The following CACNB2 variants were observed in gnomAD, a reference collection of about 807,000 sequenced individuals.
CACNB2 encodes the protein voltage-dependent L-type calcium channel subunit beta-2.
CACNB2 carries 42 observed loss-of-function variants against 73.3 expected under a neutral mutation model. The observed-to-expected ratio is 0.57, with a 90% CI of 0.45 to 0.74. The LOEUF (loss-of-function observed/expected upper bound fraction) is 0.74. Among genes scored for constraint, CACNB2 ranks in the 30% least tolerant of loss-of-function variants. CACNB2 has a pLI of 0.00. For synonymous variants in CACNB2, 348 were observed against 310.3 expected, an observed-to-expected ratio of 1.12 and a Z score of -1.28; for missense variants, 940 against 853.0, an observed-to-expected ratio of 1.10 and a Z score of -1.27.
intron 5 of CACNB2, among the ~76,000 whole-genome samples, chr10:18,501,238 T>C (rs2050176895): frequency 6.6e-6 from 1 of 152,222 alleles, no homozygotes; most frequent in African/African-American, 2.4e-5. Context: ...GAAACCTTAA[T>C]CATTTACTGA....
At chr10:18,298,585 T>C (rs1329394510) in intron 2 of CACNB2, among the ~76,000 whole-genome samples, 3 of 152,296 alleles carry the variant, frequency 2.0e-5, no homozygotes, top group Non-Finnish European at 4.4e-5. Context: ...TACCAACTCA[T>C]AGCCAGTTCC....
chr10:18,231,242 T>G (rs2036214088), intron 2 of CACNB2, among the ~76,000 whole-genome samples: 1 of 152,206 alleles, frequency 6.6e-6, no homozygotes, highest in Admixed American at 6.5e-5. Flanking sequence ...AGTGGCCCGA[T>G]CTCGGCTCAC....
intron 2 of CACNB2, among the ~76,000 whole-genome samples, chr10:18,337,422 T>A (rs569564230): frequency 6.6e-6 from 1 of 152,338 alleles, no homozygotes; most frequent in African/African-American, 2.4e-5. Flanking sequence ...TTTTATTTAC[T>A]CTTACCCATT....
At chr10:18,395,115 G>A (rs1408659074) in intron 2 of CACNB2, among the ~76,000 whole-genome samples, 1 of 151,120 alleles carries the variant, frequency 6.6e-6, no homozygotes, top group Non-Finnish European at 1.5e-5. Flanking sequence ...AAAAGAGAAG[G>A]GAGAGAGAGA....
chr10:18,500,783 A>C, intron 4 of CACNB2, 29 bp from the exon 5 acceptor site: 1 of 1,611,298 alleles, frequency 6.2e-7, no homozygotes, highest in Non-Finnish European at 8.5e-7. Flanking sequence ...CTGTGCACTG[A>C]TTTTTAATGC....
At chr10:18,431,773 T>A (rs1589334112) in intron 3 of CACNB2, among the ~76,000 whole-genome samples, 1 of 3,180 alleles carries the variant, frequency 3.1e-4, no homozygotes, top group Non-Finnish European at 5.6e-4. Context: ...TTTCTTTTTC[T>A]TTTTTTTTTG....
At position 18,434,800 on chromosome 10, in the gene CACNB2, C is replaced by G. The variant is rs1008317981; in HGVS notation, c.333+32757C>G. Among the ~76,000 whole-genome samples, 9 of 152,156 alleles carry G rather than the reference C, an allele frequency of 5.9e-5. No individual in the cohort carries two copies. The East Asian group carries it at 1.7e-3, about 29-fold the overall frequency. On this transcript the variant is annotated intron_variant, in intron 3 of 13. Transcript: ENST00000324631. ...AATTAAAACAGAAAAAAATAAATTACAAGAATAAGGAAGCAGGCACTCCCC... is the reference window on the plus strand; with the variant it reads ...AATTAAAACAGAAAAAAATAAATTAGAAGAATAAGGAAGCAGGCACTCCCC...
intron 2 of CACNB2, among the ~76,000 whole-genome samples, chr10:18,375,275 A>G (rs750445054): frequency 1.3e-5 from 2 of 152,264 alleles, no homozygotes; most frequent in East Asian, 1.9e-4. Context: ...ATTTTGTCCT[A>G]TGACTTCTCC....
chr10:18,263,532 C>G (rs1049783954), intron 2 of CACNB2, among the ~76,000 whole-genome samples: 1 of 152,116 alleles, frequency 6.6e-6, no homozygotes, highest in African/African-American at 2.4e-5. Flanking sequence ...TAATATAAAT[C>G]AATTGATAAA....
intron 2 of CACNB2, among the ~76,000 whole-genome samples, chr10:18,322,378 A>C (rs1177995699): frequency 6.6e-6 from 1 of 152,208 alleles, no homozygotes. Flanking sequence ...GTGAGCAGAT[A>C]TTTTGTGGTT....
chr10:18,458,525 G>A (rs1422521375), intron 3 of CACNB2, among the ~76,000 whole-genome samples: 1 of 152,072 alleles, frequency 6.6e-6, no homozygotes, highest in African/African-American at 2.4e-5. Context: ...AATTACAACA[G>A]TATCATTTAG....
rs1456260978 is a variant in CACNB2, at chr10:18,140,660, CGCGGGGAGGCGGGG to C, written c.-73_-60del. 2.4e-5 allele frequency: 31 copies of C among 1,312,036 alleles called. No homozygotes were observed. The highest frequency in any genetic ancestry group is 3.2e-5 in the Non-Finnish European group (30 of 931,204). 81.3% of individuals were successfully genotyped at this position (1,312,036 alleles called of 1,614,324 possible). A position where few individuals can be genotyped will look rare whatever the true frequency, so the allele number is the denominator to read the frequency against. On this transcript the variant is annotated 5_prime_UTR_variant, in exon 1 of 14. Transcript: ENST00000324631. ...GGGCGGCCCCCAGAGCCGATCAGAG[CGCGGGGAGGCGGGG>C]GCGAGGAGGAGGGGACCCGCCGCCG...
intron 2 of CACNB2, among the ~76,000 whole-genome samples, chr10:18,400,106 C>T (rs978416738): frequency 1.3e-5 from 2 of 152,206 alleles, no homozygotes; most frequent in East Asian, 1.9e-4. Flanking sequence ...TTAAACTCAA[C>T]GCTTTATAAA....
At chr10:18,412,667 T>G (rs938577070) in intron 3 of CACNB2, among the ~76,000 whole-genome samples, 9 of 152,236 alleles carry the variant, frequency 5.9e-5, no homozygotes, top group Non-Finnish European at 1.0e-4. Context: ...ACACACAAAG[T>G]CTACTTCTAC....
intron 7 of CACNB2, among the ~76,000 whole-genome samples, chr10:18,517,978 A>T (rs565935580): frequency 6.6e-6 from 1 of 152,368 alleles, no homozygotes; most frequent in African/African-American, 2.4e-5. Context: ...AATGCAGCCG[A>T]AAAGCAATAT....
intron 3 of CACNB2, among the ~76,000 whole-genome samples, chr10:18,413,565 T>C (rs1267311162): frequency 1.3e-5 from 2 of 152,152 alleles, no homozygotes; most frequent in Non-Finnish European, 2.9e-5. Flanking sequence ...TCTCATTACC[T>C]CCATCCTTCC....
At chr10:18,274,538 G>C (rs909384551) in intron 2 of CACNB2, among the ~76,000 whole-genome samples, 5 of 152,090 alleles carry the variant, frequency 3.3e-5, no homozygotes, top group African/African-American at 1.2e-4. Flanking sequence ...GTGAAGAGAG[G>C]GTCAGAACTT....
At chr10:18,534,710 T>C (rs10741101) in intron 11 of CACNB2, among the ~76,000 whole-genome samples, 76,080 of 152,076 alleles carry the variant, frequency 0.5, 19,397 homozygotes, top group East Asian at 0.74. Context: ...TTTTATTAAA[T>C]CTTGACTTTT....
intron 3 of CACNB2, among the ~76,000 whole-genome samples, chr10:18,439,283 G>A (rs890398802): frequency 1.6e-4 from 24 of 152,332 alleles, no homozygotes; most frequent in Middle Eastern, 3.4e-3. Context: ...GGTTATTTTA[G>A]TAAGGTGTGT....
Sources: allele counts gnomAD v4.1 joint callset (sites outside exome capture counted in the v4.1 genomes callset), GRCh38; gene constraint gnomAD v4.1.1; transcripts MANE v1.5; gene names NCBI Gene and HGNC (gene_info 2026-07-23, HGNC 2026-07-21).